SLC5A4: variants seen among roughly 807,000 people sequenced by gnomAD.
SLC5A4 encodes probable glucose sensor protein SLC5A4.
SLC5A4 carries 55 observed loss-of-function variants against 70.3 expected under a neutral mutation model. The observed-to-expected ratio is 0.78, with a 90% confidence interval of 0.63 to 0.98. SLC5A4 has a LOEUF of 0.98. Among genes scored for constraint, SLC5A4 ranks in the 50% least tolerant of loss-of-function variants. SLC5A4 has a pLI of 0.00. For missense variants in SLC5A4, 735 were observed against 839.2 expected (o/e 0.88, Z 1.53); for synonymous variants, 268 against 305.7 (o/e 0.88, Z 1.29).
At chr22:32,346,389 A>G in the SLC5A4 span, among the ~76,000 whole-genome samples, 1 of 152,164 alleles carries the variant, frequency 6.6e-6, no homozygotes, top group Non-Finnish European at 1.5e-5. Flanking sequence ...AAGAGCCCAC[A>G]TCGCCAAGTC....
At chr22:32,342,577 A>T in the SLC5A4 span, among the ~76,000 whole-genome samples, 1 of 152,244 alleles carries the variant, frequency 6.6e-6, no homozygotes. Context: ...TCTACTTCAT[A>T]TAAAATTAAT....
chr22:32,321,015 C>T, the SLC5A4 span, among the ~76,000 whole-genome samples: 9 of 152,206 alleles, frequency 5.9e-5, no homozygotes, highest in South Asian at 2.1e-4. Context: ...AGGCCGGGCA[C>T]GGTGGCTCAC....
chr22:32,264,592 A>G, the SLC5A4 span, among the ~76,000 whole-genome samples: 1 of 152,208 alleles, frequency 6.6e-6, no homozygotes, highest in Admixed American at 6.5e-5. Flanking sequence ...AAACGAAACA[A>G]GAAACCAGAA....
rs78888724 is a variant in SLC5A4, at chr22:32,235,003, C to T, written c.755G>A (p.Ser252Asn). Residue 252 changes from serine to asparagine, a missense_variant, in exon 8 of 15, where the codon AGT becomes AAT. By Grantham distance (46) the Ser-to-Asn change is conservative. Coordinates refer to ENST00000266086, the MANE Select transcript of SLC5A4 (RefSeq NM_014227.3). ...CGCCCGAGGTGTGTAGCAACTGGCA[C>T]TGATTGTCAAGTTGTCCCCCTCGAC... The part of the protein sequence containing the change: ...SVVEGDNLTI[S>N]ASCYTPRADS... 1.8e-3 allele frequency: 2,883 copies of T among 1,613,788 alleles called. 55 individuals are homozygous for T. In the African/African-American group the frequency reaches 0.022, roughly 12 times the overall value.
At chr22:32,235,653 C>T (rs1480419539) in intron 7 of SLC5A4, among the ~76,000 whole-genome samples, 1 of 151,320 alleles carries the variant, frequency 6.6e-6, no homozygotes, top group Non-Finnish European at 1.5e-5. Context: ...TTAGACGTGA[C>T]AAGAGAAAAT....
chr22:32,311,410 A>G, the SLC5A4 span, among the ~76,000 whole-genome samples: 4 of 152,200 alleles, frequency 2.6e-5, no homozygotes, highest in Admixed American at 1.3e-4. Flanking sequence ...ACTAACACCC[A>G]TGGAATGAGT....
At chr22:32,330,683 G>GTGTGTGTTGGGGGCTC in the SLC5A4 span, among the ~76,000 whole-genome samples, 1 of 84,600 alleles carries the variant, frequency 1.2e-5, no homozygotes, top group South Asian at 5.3e-4. Flanking sequence ...GGGGGCTCTG[G>GTGTGTGTTGGGGGCTC]TGTGTGTGTT....
chr22:32,342,257 A>T, the SLC5A4 span, among the ~76,000 whole-genome samples: 3 of 152,246 alleles, frequency 2.0e-5, no homozygotes, highest in Non-Finnish European at 4.4e-5. Flanking sequence ...AGAACACAAA[A>T]AAATTTGACC....
chr22:32,300,243 C>A, the SLC5A4 span, among the ~76,000 whole-genome samples: 2 of 150,846 alleles, frequency 1.3e-5, no homozygotes, highest in South Asian at 4.2e-4. Flanking sequence ...GGGGGGCGCC[C>A]CTCCCCAAGC....
chr22:32,248,761 A>G lies in SLC5A4; in HGVS notation c.354T>C (p.Pro118=), dbSNP rs746711017. 1 of 1,613,130 alleles carries G rather than the reference A, an allele frequency of 6.2e-7. No individual in the cohort carries two copies. The highest frequency in any genetic ancestry group is 8.5e-7 in the Non-Finnish European group (1 of 1,179,060). The change falls in exon 4 of 15, where the codon CCT becomes CCC. Residue 118 remains proline (P), a synonymous_variant. Transcript: ENST00000266086. ...MLLILGWIFV[P]IYIKSGVMTM... is the part of the protein sequence containing the mutation. ...TACTCACCCCCGACTTGATGTAGATAGGGACAAAGATCCACCCAAGAATCA... is the reference window on the plus strand; with the variant it reads ...TACTCACCCCCGACTTGATGTAGATGGGGACAAAGATCCACCCAAGAATCA...
chr22:32,230,861 T>A (rs1394287090), intron 10 of SLC5A4, 107 bp downstream of exon 10: 11 of 693,124 alleles, frequency 1.6e-5, no homozygotes, highest in Non-Finnish European at 2.9e-5. Flanking sequence ...AAATGTCTGA[T>A]GAGTTGGATT....
the SLC5A4 span, among the ~76,000 whole-genome samples, chr22:32,354,477 G>A: frequency 6.6e-6 from 1 of 151,526 alleles, no homozygotes. Flanking sequence ...CCCGCCCACC[G>A]CAGGCAGAGT....
the SLC5A4 span, among the ~76,000 whole-genome samples, chr22:32,329,774 G>GA: frequency 1.4e-5 from 1 of 69,930 alleles, no homozygotes. Flanking sequence ...TGGGGGCTCT[G>GA]GTGTGTGTGT....
the SLC5A4 span, among the ~76,000 whole-genome samples, chr22:32,340,512 CG>C: frequency 3.9e-5 from 6 of 152,278 alleles, no homozygotes; most frequent in East Asian, 9.6e-4. Flanking sequence ...TTATGTCAGG[CG>C]GCGACGCACG....
chr22:32,293,842 G>T, the SLC5A4 span, among the ~76,000 whole-genome samples: 1 of 152,038 alleles, frequency 6.6e-6, no homozygotes, highest in East Asian at 1.9e-4. Flanking sequence ...TTTCTAAGAA[G>T]TCTTATTTTA....
chr22:32,315,078 A>ACC, the SLC5A4 span, among the ~76,000 whole-genome samples: 2 of 152,226 alleles, frequency 1.3e-5, no homozygotes, highest in Non-Finnish European at 2.9e-5. Context: ...AAATGGTTAA[A>ACC]ATGGTTATAT....
the SLC5A4 span, among the ~76,000 whole-genome samples, chr22:32,274,000 C>A: frequency 2.0e-5 from 3 of 149,690 alleles, no homozygotes; most frequent in South Asian, 2.1e-4. Flanking sequence ...GAAAACTGTA[C>A]AAAACAGTGC....
the SLC5A4 span, among the ~76,000 whole-genome samples, chr22:32,292,166 T>TAC: frequency 6.0e-4 from 22 of 36,876 alleles, no homozygotes; most frequent in Middle Eastern, 0.019. Context: ...ATATATATAA[T>TAC]ATATACTAGA....
the SLC5A4 span, among the ~76,000 whole-genome samples, chr22:32,335,859 C>T: frequency 2.6e-5 from 4 of 151,960 alleles, no homozygotes; most frequent in Non-Finnish European, 5.9e-5. Context: ...CCGATCTGGA[C>T]GGTGCTTAGG....
Sources: gnomAD v4.1 joint callset for allele counts (sites outside exome capture counted in the v4.1 genomes callset) on GRCh38, gnomAD v4.1.1 for gene constraint, MANE v1.5 for transcripts, NCBI Gene and HGNC (gene_info 2026-07-23, HGNC 2026-07-21) for gene names.